The following PCGF3 variants were observed in gnomAD, a reference collection of about 807,000 sequenced individuals.
The protein encoded by PCGF3 is polycomb group ring finger 3.
Under a neutral mutation model 33.1 loss-of-function variants are expected in PCGF3, and 7 were observed. The observed-to-expected ratio is 0.21, with a 90% CI of 0.12 to 0.40. The LOEUF is 0.40. PCGF3 is among the 10% of genes least tolerant of loss of function. PCGF3 has a pLI of 1.00. For missense variants in PCGF3, 211 were observed against 313.3 expected, an observed-to-expected ratio of 0.67 and a Z score of 2.46; for synonymous variants, 153 against 121.3, an observed-to-expected ratio of 1.26 and a Z score of -1.72.
Position 730,378 on chromosome 4 carries a change from A to C in PCGF3, c.-189-252A>C, listed in dbSNP as rs12500281. Among the ~76,000 whole-genome samples, 606 of 149,484 alleles carry C rather than the reference A, an allele frequency of 4.1e-3. 16 individuals are homozygous for C. The highest frequency in any genetic ancestry group is 0.037 in the Admixed American group (553 of 15,040). ...TGATGGGGCCCCCAGCTGCCCCCCC[A>C]CCCCCGTGGGCCACGTGCCCACTCC... On this transcript the variant is annotated intron_variant, in intron 1 of 10. Transcript: ENST00000362003.
At chr4:753,396 C>T (rs564515681) in intron 8 of PCGF3, among the ~76,000 whole-genome samples, 48 of 151,544 alleles carry the variant, frequency 3.2e-4, no homozygotes, top group African/African-American at 9.2e-4. Flanking sequence ...GGCTCACGCC[C>T]GTAATCCCAG....
At chr4:710,014 C>T (rs140492463) in intron 1 of PCGF3, among the ~76,000 whole-genome samples, 48 of 152,342 alleles carry the variant, frequency 3.2e-4, no homozygotes, top group African/African-American at 1.1e-3. Flanking sequence ...TGGCTCTGTA[C>T]TGTCTGGTTC....
chr4:735,268 CG>C (rs1400429787), intron 5 of PCGF3, among the ~76,000 whole-genome samples: 3 of 152,208 alleles, frequency 2.0e-5, no homozygotes, highest in Admixed American at 6.5e-5. Context: ...TTAGGTAGGC[CG>C]GGCGCAGGGG....
intron 4 of PCGF3, chr4:734,446 T>C: frequency 7.9e-7 from 1 of 1,273,648 alleles, no homozygotes; most frequent in Non-Finnish European, 1.0e-6. Flanking sequence ...TATTTCTCAC[T>C]TTAGGAAATA....
chr4:758,423 C>T (rs1012139471), intron 8 of PCGF3, among the ~76,000 whole-genome samples: 1 of 144,534 alleles, frequency 6.9e-6, no homozygotes, highest in Non-Finnish European at 1.5e-5. Context: ...TCTCCCCGCG[C>T]GGCCCCTCTC....
rs1744187786 is a variant in PCGF3, at chr4:743,593, C to T, written c.373+9C>T. The stretch of plus-strand genomic sequence containing the variant: ...AGATTCCCATCGGAATGGTGAGTGC[C>T]CTGCGTGCCCATCCAGAAGCCCCGG... On this transcript the variant is annotated intron_variant, in intron 7 of 10. Transcript: ENST00000362003. The T allele has an allele frequency of 6.6e-7, 1 of 1,510,208 alleles. No individual in the cohort carries two copies. Among genetic ancestry groups the T allele is most frequent in the Non-Finnish European group, 9.2e-7 (1 of 1,085,656 alleles). 93.6% of individuals were successfully genotyped at this position (1,510,208 alleles called of 1,614,324 possible). A position where few individuals can be genotyped will look rare whatever the true frequency, so the allele number is the denominator to read the frequency against.
At chr4:722,383 G>T in intron 1 of PCGF3, 2 of 200,856 alleles carry the variant, frequency 1.0e-5, no homozygotes, top group Non-Finnish European at 2.0e-5. Context: ...AGGAGCTGGA[G>T]GCTGCCCCAG....
intron 1 of PCGF3, among the ~76,000 whole-genome samples, chr4:713,863 G>A (rs920313178): frequency 6.6e-6 from 1 of 152,172 alleles, no homozygotes; most frequent in African/African-American, 2.4e-5. Context: ...TTGGAATGTG[G>A]GGGCCACGAG....
chr4:710,123 G>A (rs1742502734), intron 1 of PCGF3, among the ~76,000 whole-genome samples: 2 of 152,168 alleles, frequency 1.3e-5, no homozygotes, highest in Admixed American at 6.5e-5. Flanking sequence ...CAGAACCCCT[G>A]CCTTAAACCA....
At chr4:756,301 C>G (rs963822827) in intron 8 of PCGF3, among the ~76,000 whole-genome samples, 2 of 151,872 alleles carry the variant, frequency 1.3e-5, no homozygotes, top group East Asian at 3.9e-4. Context: ...CAACCTCTAC[C>G]TCCCTGGTTG....
rs1743057775 is a variant in PCGF3 at position 721,062 on chromosome 4, C to T, written c.-189-9568C>T. Among the ~76,000 whole-genome samples the T allele has an allele frequency of 6.6e-6, 1 of 152,044 alleles. No homozygotes were observed. Among genetic ancestry groups the T allele is most frequent in the African/African-American group, 2.4e-5 (1 of 41,380 alleles). ...CAGACGGGACTCCACGTGGCACCAC[C>T]CCTCCCACCTGGGCTGGGCACCCAT... On this transcript the variant is annotated intron_variant, in intron 1 of 10. Coordinates refer to ENST00000362003, the Ensembl canonical transcript of PCGF3. This position sits in a 1 kb window ranked among gnomAD's most constrained non-coding sequence, Gnocchi z 4.1.
At chr4:716,510 AGT>A in intron 1 of PCGF3, among the ~76,000 whole-genome samples, 2 of 126,386 alleles carry the variant, frequency 1.6e-5, no homozygotes, top group Non-Finnish European at 1.6e-5. Context: ...GGACACTGCG[AGT>A]GTGAGAACTG....
At chr4:755,972 G>A (rs1204378802) in intron 8 of PCGF3, among the ~76,000 whole-genome samples, 1 of 137,150 alleles carries the variant, frequency 7.3e-6, no homozygotes, top group Non-Finnish European at 1.5e-5. Context: ...GGAGTGCAAG[G>A]CCTGATCTTG....
chr4:719,391 G>A (rs1001843440), intron 1 of PCGF3, among the ~76,000 whole-genome samples: 2 of 152,230 alleles, frequency 1.3e-5, no homozygotes, highest in Non-Finnish European at 2.9e-5. Flanking sequence ...GTGTCCGCAC[G>A]AGGTTGATGA....
chr4:747,742 A>G (rs1446565450), intron 8 of PCGF3, among the ~76,000 whole-genome samples: 2 of 152,038 alleles, frequency 1.3e-5, no homozygotes, highest in African/African-American at 4.8e-5. Flanking sequence ...ACACTCCTGT[A>G]TTAGTGCTCC....
intron 3 of PCGF3, among the ~76,000 whole-genome samples, chr4:733,094 G>A (rs904064065): frequency 2.1e-4 from 31 of 148,982 alleles, no homozygotes; most frequent in Admixed American, 6.6e-4. Flanking sequence ...TGCTGCCTCC[G>A]CCCCTGCCCC....
At chr4:712,511 G>T (rs1020337066) in intron 1 of PCGF3, among the ~76,000 whole-genome samples, 4 of 152,176 alleles carry the variant, frequency 2.6e-5, no homozygotes, top group Non-Finnish European at 4.4e-5. Context: ...GCAGTGGCGC[G>T]ATCTCGGCTC....
At chr4:744,757 C>CCGGGGGTCGCTGCAGTGTTAGTGCT (rs1744245509) in intron 8 of PCGF3, 69 bp downstream of exon 8, 1 of 360,566 alleles carries the variant, frequency 2.8e-6, no homozygotes, top group Non-Finnish European at 5.0e-6. Context: ...TGGGCGGGGC[C>CCGGGGGTCGCTGCAGTGTTAGTGCT]CGGGGGTCGC....
At chr4:712,519 C>T (rs1742617174) in intron 1 of PCGF3, among the ~76,000 whole-genome samples, 1 of 152,208 alleles carries the variant, frequency 6.6e-6, no homozygotes. Context: ...GCGATCTCGG[C>T]TCACTGCAAC....
Sources: gnomAD v4.1 joint callset for allele counts (sites outside exome capture counted in the v4.1 genomes callset) on GRCh38, gnomAD v4.1.1 for gene constraint, Gnocchi (gnomAD v3.1) non-coding constraint, MANE v1.5 for transcripts, NCBI Gene and HGNC (gene_info 2026-07-23, HGNC 2026-07-21) for gene names.